Variants in KCNMA1 observed in about 807,000 individuals in gnomAD.
The protein encoded by KCNMA1 is Calcium-activated potassium channel subunit alpha-1.
Under a neutral mutation model 140.0 loss-of-function variants are expected in KCNMA1, and 29 were observed. The ratio of observed to expected loss-of-function variants is 0.21; its 90% CI spans 0.15 to 0.28. The LOEUF is 0.28. KCNMA1 is among the 10% of genes least tolerant of loss of function. KCNMA1 has a pLI of 1.00. For synonymous variants in KCNMA1, 612 were observed against 611.9 expected (o/e 1.00, Z 0.00); for missense variants, 880 against 1,602.2 (o/e 0.55, Z 7.70).
At chr10:77,119,859 T>C (rs1026140909) in intron 6 of KCNMA1, among the ~76,000 whole-genome samples, 2 of 152,090 alleles carry the variant, frequency 1.3e-5, no homozygotes, top group Non-Finnish European at 1.5e-5. Flanking sequence ...GTCACATAGA[T>C]GAGCAGTCAG....
intron 1 of KCNMA1, among the ~76,000 whole-genome samples, chr10:77,614,138 A>G (rs1352130420): frequency 6.6e-6 from 1 of 152,196 alleles, no homozygotes; most frequent in Non-Finnish European, 1.5e-5. Flanking sequence ...CTTCCAGAAA[A>G]AATTAAATAC....
intron 1 of KCNMA1, among the ~76,000 whole-genome samples, chr10:77,525,928 G>C (rs776083600): frequency 3.3e-5 from 5 of 152,204 alleles, no homozygotes; most frequent in African/African-American, 4.8e-5. Context: ...TATTGACACT[G>C]ACTGATTTGG....
chr10:77,486,551 C>A (rs1464714622), intron 1 of KCNMA1, among the ~76,000 whole-genome samples: 1 of 152,192 alleles, frequency 6.6e-6, no homozygotes, highest in Non-Finnish European at 1.5e-5. Flanking sequence ...CTCTCTTGAC[C>A]CTTTTCAATC....
intron 23 of KCNMA1, 133 bp downstream of exon 23, chr10:76,944,640 A>G (rs2063442755): frequency 1.2e-6 from 1 of 801,972 alleles, no homozygotes; most frequent in Non-Finnish European, 2.1e-6. Context: ...TTTGAAAGCC[A>G]TCATGGTGAC....
At chr10:77,090,554 G>A in intron 9 of KCNMA1, 44 bp from the exon 10 acceptor site, 2 of 1,301,064 alleles carry the variant, frequency 1.5e-6, no homozygotes, top group Non-Finnish European at 2.2e-6. Flanking sequence ...CACCACGACA[G>A]GACCCTGCAT....
At chr10:77,598,759 C>A (rs2081705049) in intron 1 of KCNMA1, among the ~76,000 whole-genome samples, 1 of 152,182 alleles carries the variant, frequency 6.6e-6, no homozygotes, top group Non-Finnish European at 1.5e-5. Flanking sequence ...CCCATCCCTG[C>A]CCCGCATCCA....
At chr10:77,308,061 G>A (rs369088067) in intron 2 of KCNMA1, among the ~76,000 whole-genome samples, 2 of 152,160 alleles carry the variant, frequency 1.3e-5, no homozygotes, top group East Asian at 1.9e-4. Context: ...CATACCCAGC[G>A]ACAAGGTGCT....
At chr10:77,139,093 G>C (rs951136189) in intron 5 of KCNMA1, among the ~76,000 whole-genome samples, 2 of 152,124 alleles carry the variant, frequency 1.3e-5, no homozygotes, top group African/African-American at 4.8e-5. Context: ...AGTGATGACT[G>C]GTACATAGTG....
At chr10:77,060,821 A>G (rs1303885077) in intron 14 of KCNMA1, among the ~76,000 whole-genome samples, 1 of 152,176 alleles carries the variant, frequency 6.6e-6, no homozygotes, top group East Asian at 1.9e-4. Flanking sequence ...AGGAGATGTG[A>G]CAATGGAAGC....
intron 1 of KCNMA1, among the ~76,000 whole-genome samples, chr10:77,458,444 C>G (rs991866846): frequency 6.6e-6 from 1 of 152,212 alleles, no homozygotes; most frequent in African/African-American, 2.4e-5. Flanking sequence ...CCTGCCTGGA[C>G]AGGGAATGAC....
intron 1 of KCNMA1, among the ~76,000 whole-genome samples, chr10:77,543,410 C>G (rs1462307256): frequency 1.3e-5 from 2 of 151,998 alleles, no homozygotes; most frequent in Non-Finnish European, 2.9e-5. Context: ...GACAGAGCTA[C>G]CCAAGTTAAA....
At chr10:77,333,368 AAAAG>A (rs1382379918) in intron 2 of KCNMA1, among the ~76,000 whole-genome samples, 37 of 150,736 alleles carry the variant, frequency 2.5e-4, no homozygotes, top group Admixed American at 1.9e-3. Context: ...AAAAAAAGAA[AAAAG>A]AAAGAAAGAG....
At chr10:76,924,611 G>A (rs1164280656) in intron 23 of KCNMA1, among the ~76,000 whole-genome samples, 1 of 152,174 alleles carries the variant, frequency 6.6e-6, no homozygotes, top group Admixed American at 6.6e-5. Flanking sequence ...TGGTTCATCT[G>A]TAAGGGTCTG....
intron 2 of KCNMA1, among the ~76,000 whole-genome samples, chr10:77,347,251 C>T (rs573118560): frequency 6.6e-6 from 1 of 152,316 alleles, no homozygotes; most frequent in East Asian, 1.9e-4. Flanking sequence ...ATGAACCCCA[C>T]CTACATTATG....
At chr10:77,234,526 G>A (rs1054643918) in intron 3 of KCNMA1, among the ~76,000 whole-genome samples, 5 of 152,282 alleles carry the variant, frequency 3.3e-5, no homozygotes, top group African/African-American at 1.2e-4. Flanking sequence ...CTAAACAAGA[G>A]CTAAATCATT....
At chr10:77,503,282 T>C (rs1255592688) in intron 1 of KCNMA1, among the ~76,000 whole-genome samples, 1 of 152,174 alleles carries the variant, frequency 6.6e-6, no homozygotes, top group African/African-American at 2.4e-5. Flanking sequence ...AAATAAAAAC[T>C]GACCTAGTAC....
intron 2 of KCNMA1, among the ~76,000 whole-genome samples, chr10:77,333,662 C>T (rs2087603003): frequency 6.6e-6 from 1 of 152,200 alleles, no homozygotes; most frequent in East Asian, 1.9e-4. Context: ...TTGTGGAACC[C>T]ATATTCCTTG....
intron 5 of KCNMA1, among the ~76,000 whole-genome samples, chr10:77,129,081 C>G (rs1013476011): frequency 2.2e-4 from 33 of 152,310 alleles, no homozygotes; most frequent in Admixed American, 1.7e-3. Context: ...AGCTGGGCAT[C>G]AGAATTTTTA....
chr10:76,992,641 T>C (rs2083112522), intron 19 of KCNMA1, among the ~76,000 whole-genome samples: 1 of 152,174 alleles, frequency 6.6e-6, no homozygotes, highest in Non-Finnish European at 1.5e-5. Flanking sequence ...CCTACCACCA[T>C]GAGGGAACCC....
Sources: gnomAD v4.1 joint callset for allele counts (sites outside exome capture counted in the v4.1 genomes callset) on GRCh38, gnomAD v4.1.1 for gene constraint, MANE v1.5 for transcripts, NCBI Gene and HGNC (gene_info 2026-07-23, HGNC 2026-07-21) for gene names.